TMEM116: variants seen among roughly 807,000 people sequenced by gnomAD.
TMEM116 encodes transmembrane protein 116.
TMEM116 carries 38 observed loss-of-function variants against 44.3 expected under a neutral mutation model. That is an observed-to-expected ratio of 0.86 (90% CI 0.66 to 1.12). The LOEUF (loss-of-function observed/expected upper bound fraction) is 1.12. TMEM116 is among the 50% of genes most tolerant of loss of function. TMEM116 has a pLI of 0.00. For synonymous variants in TMEM116, 132 were observed against 144.8 expected (o/e 0.91, Z 0.64); for missense variants, 354 against 401.7 (o/e 0.88, Z 1.01).
intron 3 of TMEM116, chr12:112,000,638 G>A: frequency 2.4e-6 from 1 of 411,812 alleles, no homozygotes; most frequent in Non-Finnish European, 4.9e-6. Context: ...AGCCTCCCAG[G>A]CTCAAGTGAT....
chr12:111,989,743 T>C (rs1419335373), intron 4 of TMEM116, among the ~76,000 whole-genome samples: 2 of 152,122 alleles, frequency 1.3e-5, no homozygotes, highest in African/African-American at 4.8e-5. Context: ...ATTGGAAATA[T>C]CCAACAAAGA....
At chr12:111,978,191 G>A (rs2075769803) in intron 4 of TMEM116, among the ~76,000 whole-genome samples, 1 of 151,548 alleles carries the variant, frequency 6.6e-6, no homozygotes. Flanking sequence ...CACGAGGTCA[G>A]GAGTTCGAGA....
Position 111,985,539 on chromosome 12 carries a change from C to T in TMEM116, c.210+6219G>A, listed in dbSNP as rs1037057511. 2.0e-5 allele frequency among the ~76,000 whole-genome samples: 3 copies of T among 152,102 alleles called. No homozygotes were observed. The East Asian group carries it at 5.8e-4, about 29-fold the overall frequency. On this transcript the variant is annotated intron_variant, in intron 4 of 10. Coordinates refer to ENST00000552374, the MANE Select transcript of TMEM116 (RefSeq NM_001193531.2). ...CATTGCTAAAAGAAATTAGAGAAGA[C>T]ACCAATAAATGGAAAGATACCCATG...
At chr12:111,958,819 A>G (rs1173511874) in intron 4 of TMEM116, among the ~76,000 whole-genome samples, 1 of 152,164 alleles carries the variant, frequency 6.6e-6, no homozygotes, top group Non-Finnish European at 1.5e-5. Context: ...AAAAGAATGA[A>G]CAAAGCCTCC....
chr12:111,949,095 T>C (rs548794885), intron 4 of TMEM116, among the ~76,000 whole-genome samples: 2 of 151,982 alleles, frequency 1.3e-5, no homozygotes, highest in South Asian at 2.1e-4. Context: ...ACCTGGGCAA[T>C]AGGGCAAGGC....
intron 2 of TMEM116, 94 bp downstream of exon 2, chr12:112,005,163 T>G (rs1700663114): frequency 1.2e-6 from 1 of 823,048 alleles, no homozygotes; most frequent in Non-Finnish European, 1.8e-6. Context: ...AACTAAAGAG[T>G]AAAAGCAAAT....
chr12:111,945,293 G>A (rs1593316536), intron 4 of TMEM116, among the ~76,000 whole-genome samples: 1 of 125,812 alleles, frequency 7.9e-6, no homozygotes, highest in East Asian at 2.5e-4. Flanking sequence ...GCAGTAAGCC[G>A]AGATCGAGCC....
At chr12:111,953,012 T>C (rs2073845486) in intron 4 of TMEM116, among the ~76,000 whole-genome samples, 2 of 152,182 alleles carry the variant, frequency 1.3e-5, no homozygotes, top group East Asian at 1.9e-4. Context: ...AATGAGATTA[T>C]CATATTACTA....
chr12:111,963,779 A>G (rs2074784133), intron 4 of TMEM116, among the ~76,000 whole-genome samples: 1 of 152,186 alleles, frequency 6.6e-6, no homozygotes, highest in African/African-American at 2.4e-5. Context: ...ACAAACCTGC[A>G]CGTCCTGCAC....
intron 4 of TMEM116, among the ~76,000 whole-genome samples, chr12:111,990,424 G>A (rs2136611754): frequency 6.6e-6 from 1 of 152,232 alleles, no homozygotes; most frequent in Non-Finnish European, 1.5e-5. Context: ...TCTGATCAAA[G>A]ACTATAATTA....
chr12:111,969,234 C>T (rs1257601941), intron 4 of TMEM116, among the ~76,000 whole-genome samples: 3 of 147,232 alleles, frequency 2.0e-5, no homozygotes, highest in Non-Finnish European at 4.5e-5. Flanking sequence ...GCAGGAGAAT[C>T]GTTTGAACCT....
intron 5 of TMEM116, among the ~76,000 whole-genome samples, chr12:111,942,708 C>G (rs2072937377): frequency 6.6e-6 from 1 of 152,052 alleles, no homozygotes; most frequent in South Asian, 2.1e-4. Context: ...CTTGCTGAGT[C>G]AAACCAGGCA....
At chr12:111,995,734 T>C (rs2076893978) in intron 3 of TMEM116, among the ~76,000 whole-genome samples, 1 of 151,972 alleles carries the variant, frequency 6.6e-6, no homozygotes, top group South Asian at 2.1e-4. Context: ...TGAGACTCCA[T>C]CTAATCAGTT....
At chr12:111,990,197 G>A (rs1444812727) in intron 4 of TMEM116, among the ~76,000 whole-genome samples, 1 of 151,346 alleles carries the variant, frequency 6.6e-6, no homozygotes, top group African/African-American at 2.4e-5. Context: ...GGAGCTTGCA[G>A]TGAGCCAAGA....
intron 4 of TMEM116, chr12:111,965,761 T>TAAA (rs59183823): frequency 3.0e-5 from 10 of 331,544 alleles, no homozygotes; most frequent in Non-Finnish European, 4.8e-5. Flanking sequence ...CCGTCTCCCC[T>TAAA]AAAAAAAAAA....
chr12:111,933,098 G>A (rs541877293), intron 9 of TMEM116, among the ~76,000 whole-genome samples: 55 of 152,110 alleles, frequency 3.6e-4, no homozygotes, highest in African/African-American at 1.3e-3. Context: ...AAAATTAGCT[G>A]GGCATGGTGG....
chr12:111,948,866 G>A (rs2073488613), intron 4 of TMEM116, among the ~76,000 whole-genome samples: 1 of 151,952 alleles, frequency 6.6e-6, no homozygotes, highest in Non-Finnish European at 1.5e-5. Context: ...ATCACTTGAG[G>A]CTAGGAGTTT....
In TMEM116 at chr12:111,931,675, T is replaced by G. The variant is rs148439044; in HGVS notation, c.960A>C (p.Leu320Phe). Residue 320 changes from leucine to phenylalanine, a missense_variant, in exon 11 of 11, where the codon TTA (leucine) becomes TTC (phenylalanine). Physicochemically the swap from Leu to Phe is conservative, Grantham distance 22. Coordinates refer to ENST00000552374, the MANE Select transcript of TMEM116 (RefSeq NM_001193531.2). Reference sequence around the variant, plus strand: ...AAGTCAGGGTGGATTCCAGTGAATTTAAGCCCCTGCTATAGAATCTCTTCT... The same window carrying G: ...AAGTCAGGGTGGATTCCAGTGAATTGAAGCCCCTGCTATAGAATCTCTTCT... ...CSQKRFYSRG[L>F]NSLESTLTFP... is the part of the protein sequence containing the mutation. 90 of 1,614,070 alleles carry G rather than the reference T, an allele frequency of 5.6e-5. No individual in the cohort carries two copies. The African/African-American group carries it at 1.2e-3, about 21-fold the overall frequency.
intron 4 of TMEM116, among the ~76,000 whole-genome samples, chr12:111,960,491 C>CA (rs545322547): frequency 0.03 from 850 of 28,476 alleles, 115 homozygotes; most frequent in African/African-American, 0.066. Flanking sequence ...GACTCCGTCT[C>CA]AAAAAAAAAA....
Sources: gnomAD v4.1 joint callset for allele counts (sites outside exome capture counted in the v4.1 genomes callset) on GRCh38, gnomAD v4.1.1 for gene constraint, MANE v1.5 for transcripts, NCBI Gene and HGNC (gene_info 2026-07-23, HGNC 2026-07-21) for gene names.